Variants in GCN1 observed in about 807,000 individuals in gnomAD.
GCN1 encodes stalled ribosome sensor GCN1.
In GCN1, 90 loss-of-function variants were observed where a neutral mutation model predicts 288.4. That is an observed-to-expected ratio of 0.31 (90% confidence interval 0.26 to 0.37). The LOEUF is 0.37. Ranked by LOEUF, GCN1 falls within the 10% of genes least tolerant of loss-of-function variation. The pLI is 1.00. For missense variants in GCN1, 2,586 were observed against 3,419.9 expected (o/e 0.76, Z 6.08); for synonymous variants, 1,386 against 1,420.2 (o/e 0.98, Z 0.54).
intron 20 of GCN1, 54 bp downstream of exon 20, chr12:120,162,793 G>GA: frequency 6.3e-7 from 1 of 1,591,676 alleles, no homozygotes; most frequent in Non-Finnish European, 8.6e-7. Context: ...TGTACACTGT[G>GA]ATGAGAGGGC....
intron 15 of GCN1, among the ~76,000 whole-genome samples, chr12:120,168,844 C>T (rs1455836507): frequency 2.6e-5 from 4 of 152,144 alleles, no homozygotes; most frequent in Non-Finnish European, 5.9e-5. Flanking sequence ...CTGAAATTTG[C>T]TGAAGAAGGT....
Position 120,156,767 on chromosome 12 carries a change from G to T in GCN1, c.3168+145C>A. On this transcript the variant is annotated intron_variant, in intron 27 of 57. Coordinates refer to ENST00000300648, the MANE Select transcript of GCN1 (RefSeq NM_006836.2). This position sits in a 1 kb window ranked among gnomAD's most constrained non-coding sequence, Gnocchi z 5.8. The stretch of plus-strand genomic sequence containing the variant: ...CAAAACCCCTCACTAGCTAACAACA[G>T]TCAGGCTGGCTCTCTAAAGCAGTCT... 2.3e-6 allele frequency: 2 copies of T among 888,288 alleles called. No homozygotes were observed. The highest frequency in any genetic ancestry group is 3.6e-6 in the Non-Finnish European group (2 of 553,542). 55.0% of individuals were successfully genotyped at this position (888,288 alleles called of 1,614,324 possible).
At chr12:120,169,394 T>C (rs1878245027) in intron 15 of GCN1, among the ~76,000 whole-genome samples, 1 of 148,314 alleles carries the variant, frequency 6.7e-6, no homozygotes, top group African/African-American at 2.4e-5. Context: ...ATTTCGAAGA[T>C]ATATTATATA....
At chr12:120,192,990 C>G (rs181463246) in intron 1 of GCN1, among the ~76,000 whole-genome samples, 1 of 151,480 alleles carries the variant, frequency 6.6e-6, no homozygotes, top group Non-Finnish European at 1.5e-5. Context: ...GAGTTCAGAT[C>G]GTGCCATTGC....
chr12:120,136,066 T>C (rs780609389), intron 51 of GCN1, among the ~76,000 whole-genome samples: 2 of 151,874 alleles, frequency 1.3e-5, no homozygotes, highest in Non-Finnish European at 2.9e-5. Flanking sequence ...AAAACTGCAA[T>C]ATCTTTAAAC....
In GCN1 at chr12:120,127,836, T is replaced by G; in HGVS notation, c.*13A>C. On this transcript the variant is annotated 3_prime_UTR_variant, in exon 58 of 58. Transcript: ENST00000300648. ...AGATGTGGAGCGGCAATGCTGCTGC[T>G]GGCCCAGGCCTCTCATGTCAGGATG... The G allele has an allele frequency of 2.5e-6, 4 of 1,609,702 alleles. No homozygotes were observed. The South Asian group carries it at 3.3e-5, about 13-fold the overall frequency.
In GCN1 at chr12:120,151,376, C is replaced by T; in HGVS notation, c.4078G>A (p.Ala1360Thr). 1.2e-6 allele frequency: 2 copies of T among 1,613,632 alleles called. No homozygotes were observed. Among genetic ancestry groups the T allele is most frequent in the Non-Finnish European group, 1.7e-6 (2 of 1,179,998 alleles). ...GGCACAAGGGGTGGCAAGCAGCTGG[C>T]TACGGACTCCTGGACCTGGGGAAGG... ...TPSQQVQESV[A>T]SCLPPLVPAI... Residue 1360 changes from alanine to threonine, a missense_variant, in exon 34 of 58, where the codon GCC (alanine) becomes ACC (threonine). This residue lies in a region of GCN1 where 332 missense variants were observed against 403.0 expected (regional missense o/e 0.82). Coordinates refer to ENST00000300648, the MANE Select transcript of GCN1 (RefSeq NM_006836.2).
In GCN1 at chr12:120,163,121, T is replaced by C; in HGVS notation, c.1987A>G (p.Thr663Ala). The change falls in exon 19 of 58, where the codon ACT becomes GCT. Residue 663 changes from threonine (T) to alanine (A), a missense_variant. Thr to Ala is a moderately conservative substitution (Grantham distance 58). Transcript: ENST00000300648. ...AGCATTTCCTGGGCCAGTTGTTCAG[T>C]GTCGGTGACATCACCCTTGAGCCCT... ...VPGLKGDVTD[T>A]EQLAQEMLII... 1.2e-6 allele frequency: 2 copies of C among 1,614,184 alleles called. No homozygotes were observed. The highest frequency in any genetic ancestry group is 1.3e-5 in the African/African-American group (1 of 75,052).
intron 56 of GCN1, among the ~76,000 whole-genome samples, chr12:120,130,059 T>C (rs1876765749): frequency 6.6e-6 from 1 of 152,190 alleles, no homozygotes; most frequent in Non-Finnish European, 1.5e-5. Flanking sequence ...GGGAACCTCA[T>C]TACTCAAGGC....
In GCN1 at chr12:120,134,380, ACCTCAGGGC is replaced by A; in HGVS notation, c.7219_7227del (p.Ala2407_Arg2409del). 1 of 1,613,564 alleles carries A rather than the reference ACCTCAGGGC, an allele frequency of 6.2e-7. No individual in the cohort carries two copies. The highest frequency in any genetic ancestry group is 8.5e-7 in the Non-Finnish European group (1 of 1,179,686). ...TTGGCCCCTGCTCCCTGAATCACAA[ACCTCAGGGC>A]CTGCAGCATGGTGTCCCTGCAGAAG... On this transcript the variant is annotated inframe_deletion, in exon 53 of 58. Coordinates refer to ENST00000300648, the MANE Select transcript of GCN1 (RefSeq NM_006836.2). This position sits in a 1 kb window ranked among gnomAD's most constrained non-coding sequence, Gnocchi z 5.0.
Position 120,144,774 on chromosome 12 carries a change from G to T in GCN1, c.5217C>A (p.Ile1739=). Residue 1739 remains isoleucine, a synonymous_variant, in exon 41 of 58, where the codon ATC becomes ATA. Coordinates refer to ENST00000300648, the MANE Select transcript of GCN1 (RefSeq NM_006836.2). The surrounding 1 kb of genome is among the most constrained non-coding windows in gnomAD (Gnocchi z 4.7). ...TGTCCACTTTGCTGGCTGTAGCCAC[G>T]ATTTCTGGCATCAACTTCTCCAACT... ...VEKLEKLMPE[I]VATASKVDIA... is the part of the protein sequence containing the mutation. 1 of 1,614,084 alleles carries T rather than the reference G, an allele frequency of 6.2e-7. No individual in the cohort carries two copies. Among genetic ancestry groups the T allele is most frequent in the South Asian group, 1.1e-5 (1 of 91,082 alleles).
intron 55 of GCN1, 24 bp downstream of exon 55, chr12:120,131,161 T>G: frequency 6.2e-7 from 1 of 1,611,642 alleles, no homozygotes. Flanking sequence ...CCTATGCCTA[T>G]GGGATATGGC....
In GCN1 at chr12:120,161,680, TGTGCACCAGCACAGTGCC is replaced by T; in HGVS notation, c.2343-115_2343-98del. 3 of 993,444 alleles carry T rather than the reference TGTGCACCAGCACAGTGCC, an allele frequency of 3.0e-6. No individual in the cohort carries two copies. The South Asian group carries it at 4.0e-5, about 13-fold the overall frequency. The allele number at this position is 993,444 out of a possible 1,614,324, so 61.5% of individuals were successfully genotyped here. ...GCAATTCCAACTAGCTGTTAAGCAC[TGTGCACCAGCACAGTGCC>T]GGATACTGGACACACTTAAATACCC... On this transcript the variant is annotated intron_variant, in intron 21 of 57. Coordinates refer to ENST00000300648, the MANE Select transcript of GCN1 (RefSeq NM_006836.2).
In GCN1 at chr12:120,156,192, G is replaced by C. The variant is rs1047422446; in HGVS notation, c.3312+269C>G. 3.9e-5 allele frequency among the ~76,000 whole-genome samples: 6 copies of C among 152,232 alleles called. No homozygotes were observed. Among genetic ancestry groups the C allele is most frequent in the African/African-American group, 1.4e-4 (6 of 41,454 alleles). Reference sequence around the variant, plus strand: ...TGGGCTAAAGAATTGAACTCCTCCTGCAAGTTAGCTCTGTCCGTGGAAGTA... The same window carrying C: ...TGGGCTAAAGAATTGAACTCCTCCTCCAAGTTAGCTCTGTCCGTGGAAGTA... On this transcript the variant is annotated intron_variant, in intron 28 of 57. Coordinates refer to ENST00000300648, the MANE Select transcript of GCN1 (RefSeq NM_006836.2). This position sits in a 1 kb window ranked among gnomAD's most constrained non-coding sequence, Gnocchi z 5.8.
chr12:120,155,660 C>T lies in GCN1; in HGVS notation c.3372G>A (p.Leu1124=), dbSNP rs1247012126. The change falls in exon 29 of 58, where the codon CTG becomes CTA. Residue 1124 remains leucine (L), a synonymous_variant. Transcript: ENST00000300648. This position sits in a 1 kb window ranked among gnomAD's most constrained non-coding sequence, Gnocchi z 4.9. ...CCACCCAGAGTCTCCGCAGAAGGTT[C>T]AGGCCATTCTTCTCATCAGTATCAG... ...PAPDTDEKNG[L]NLLRRLWVVK... is the part of the protein sequence containing the mutation. 2 of 1,614,020 alleles carry T rather than the reference C, an allele frequency of 1.2e-6. No individual in the cohort carries two copies. The highest frequency in any genetic ancestry group is 1.7e-6 in the Non-Finnish European group (2 of 1,179,910).
At position 120,137,746 on chromosome 12, in the gene GCN1, C is replaced by G; in HGVS notation, c.6462G>C (p.Glu2154Asp). Reference sequence around the variant, plus strand: ...GGCTGCGGGTGGCCTCCAGCAGATCCTCGATGATGATCCGGTGCCCTGTGT... The same window carrying G: ...GGCTGCGGGTGGCCTCCAGCAGATCGTCGATGATGATCCGGTGCCCTGTGT... Reference protein sequence around the residue: ...EDDTGHRIIIEDLLEATRSPE... With the variant: ...EDDTGHRIIIDDLLEATRSPE... Residue 2154 changes from glutamate to aspartate, a missense_variant, in exon 49 of 58, where the codon GAG becomes GAC. Physicochemically the swap from Glu to Asp is conservative, Grantham distance 45 (BLOSUM62 2). This residue lies in a region of GCN1 where 437 missense variants were observed against 570.5 expected (regional missense o/e 0.77). Transcript: ENST00000300648. The surrounding 1 kb of genome is among the most constrained non-coding windows in gnomAD (Gnocchi z 5.2). 6.2e-7 allele frequency: 1 copy of G among 1,614,068 alleles called. No homozygotes were observed. Among genetic ancestry groups the G allele is most frequent in the Non-Finnish European group, 8.5e-7 (1 of 1,179,934 alleles).
intron 1 of GCN1, 36 bp downstream of exon 1, chr12:120,194,644 C>A (rs1169480155): frequency 1.7e-5 from 25 of 1,510,816 alleles, no homozygotes; most frequent in Non-Finnish European, 2.2e-5. Context: ...CGCACCCAGT[C>A]CCTGGCCGCG....
At chr12:120,170,414 C>T (rs1272561687) in intron 14 of GCN1, 93 bp from the exon 15 acceptor site, 14 of 1,073,408 alleles carry the variant, frequency 1.3e-5, no homozygotes, top group South Asian at 4.4e-5. Flanking sequence ...GTGAACCAGA[C>T]GACTAAAACC....
chr12:120,145,389 T>C, intron 38 of GCN1, 59 bp from the exon 39 acceptor site: 1 of 1,225,984 alleles, frequency 8.2e-7, no homozygotes, highest in Non-Finnish European at 1.1e-6. Flanking sequence ...TCCAGGCCTG[T>C]TCCACTGTGG....
Sources: gnomAD v4.1 joint callset for allele counts (sites outside exome capture counted in the v4.1 genomes callset) on GRCh38, gnomAD v4.1.1 for gene constraint, gnomAD v4.1.1 regional missense constraint, Gnocchi (gnomAD v3.1) non-coding constraint, MANE v1.5 for transcripts, NCBI Gene and HGNC (gene_info 2026-07-23, HGNC 2026-07-21) for gene names.